The following ANO3 variants were observed in gnomAD, a reference collection of about 807,000 sequenced individuals.
ANO3 encodes anoctamin-3.
ANO3 carries 99 observed loss-of-function variants against 144.8 expected under a neutral mutation model. That is an observed-to-expected ratio of 0.68 (90% CI 0.58 to 0.81). The LOEUF is 0.81. ANO3 is among the 30% of genes least tolerant of loss of function. The pLI, the probability that ANO3 is intolerant of heterozygous loss-of-function variation, is 0.00. For missense variants in ANO3, 905 were observed against 1,202.2 expected, an observed-to-expected ratio of 0.75 and a Z score of 3.66; for synonymous variants, 414 against 392.6, an observed-to-expected ratio of 1.05 and a Z score of -0.64.
intron 6 of ANO3, among the ~76,000 whole-genome samples, chr11:26,521,910 C>T (rs1314012152): frequency 6.6e-6 from 1 of 152,130 alleles, no homozygotes; most frequent in East Asian, 1.9e-4. Context: ...AGCGGCCGGG[C>T]GCGGTGGCTC....
At chr11:26,319,893 A>AT (rs1854718139) in intron 1 of ANO3, among the ~76,000 whole-genome samples, 1 of 152,190 alleles carries the variant, frequency 6.6e-6, no homozygotes, top group African/African-American at 2.4e-5. Context: ...AATAATAACT[A>AT]TTTTAAGTAT....
chr11:26,535,691 T>A (rs984229979), intron 9 of ANO3, among the ~76,000 whole-genome samples: 5 of 141,850 alleles, frequency 3.5e-5, no homozygotes, highest in African/African-American at 1.3e-4. Context: ...CACACCATTC[T>A]CCTGCCTCAG....
chr11:26,645,316 C>T (rs1853310525), intron 23 of ANO3, among the ~76,000 whole-genome samples: 1 of 151,928 alleles, frequency 6.6e-6, no homozygotes, highest in Non-Finnish European at 1.5e-5. Flanking sequence ...TTTTATACTA[C>T]ATTCTCTATA....
chr11:26,308,840 A>G (rs1182591100), upstream of ANO3, among the ~76,000 whole-genome samples: 1 of 152,354 alleles, frequency 6.6e-6, no homozygotes, highest in East Asian at 1.9e-4. Flanking sequence ...ATGAACCAGG[A>G]TCTATCCCAG....
At chr11:26,247,137 A>C (rs1044663878) in intron 1 of ANO3, among the ~76,000 whole-genome samples, 1 of 152,144 alleles carries the variant, frequency 6.6e-6, no homozygotes, top group Admixed American at 6.5e-5. Context: ...AGAATTTTTG[A>C]CTCCATTGAA....
rs72874925 is a variant in ANO3 at position 26,274,592 on chromosome 11, G to A, written c.155-35053G>A. On this transcript the variant is annotated intron_variant, in intron 1 of 27. Transcript: ENST00000672621. ...AAAGTAAATCCTTGGTACTGACATG[G>A]TGATATTATGAACATGCTAGTTTCC... Among the ~76,000 whole-genome samples the A allele has an allele frequency of 8.6e-3, 1,303 of 152,160 alleles. 11 individuals are homozygous for A. Among genetic ancestry groups the A allele is most frequent in the South Asian group, 0.015 (74 of 4,824 alleles).
At chr11:26,465,272 T>TTAGATAGATAGATAGA (rs60663776) in intron 4 of ANO3, among the ~76,000 whole-genome samples, 375 of 146,424 alleles carry the variant, frequency 2.6e-3, no homozygotes, top group Non-Finnish European at 3.7e-3. Flanking sequence ...ATGAACCTAT[T>TTAGATAGATAGATAGA]TAGATAGATA....
At chr11:26,519,978 TA>T (rs143085570) in intron 6 of ANO3, among the ~76,000 whole-genome samples, 2 of 151,314 alleles carry the variant, frequency 1.3e-5, no homozygotes, top group African/African-American at 4.9e-5. Flanking sequence ...TTTACTAATT[TA>T]AAAAAAAATG....
At chr11:26,338,262 C>G (rs1420393953) in intron 1 of ANO3, among the ~76,000 whole-genome samples, 1 of 152,122 alleles carries the variant, frequency 6.6e-6, no homozygotes, top group African/African-American at 2.4e-5. Flanking sequence ...GTAAATGCAC[C>G]AGTCAGCACT....
chr11:26,490,229 C>A (rs117640780), intron 4 of ANO3, among the ~76,000 whole-genome samples: 1 of 152,110 alleles, frequency 6.6e-6, no homozygotes, highest in Non-Finnish European at 1.5e-5. Flanking sequence ...ACTTTTGCTT[C>A]TTCCTTGTTT....
At chr11:26,623,144 T>G (rs1852469995) in intron 17 of ANO3, among the ~76,000 whole-genome samples, 1 of 152,194 alleles carries the variant, frequency 6.6e-6, no homozygotes, top group South Asian at 2.1e-4. Context: ...AGGAAGAGAA[T>G]GAGAGTACTG....
At chr11:26,200,860 T>G (rs1851680035) in intron 1 of ANO3, among the ~76,000 whole-genome samples, 1 of 152,138 alleles carries the variant, frequency 6.6e-6, no homozygotes, top group African/African-American at 2.4e-5. Context: ...AATTATTGAA[T>G]TTGTACATGA....
chr11:26,470,706 T>A (rs1055577759), intron 4 of ANO3, among the ~76,000 whole-genome samples: 1 of 151,930 alleles, frequency 6.6e-6, no homozygotes, highest in African/African-American at 2.4e-5. Flanking sequence ...CTAGCTGGTT[T>A]TCATGGGGAA....
At position 26,469,866 on chromosome 11, in the gene ANO3, G is replaced by A. The variant is rs1207655992; in HGVS notation, c.432+6718G>A. ...ATTTTAACATATATAACGATCAGCT[G>A]TACTATTAATTACAGAAATACAAAT... On this transcript the variant is annotated intron_variant, in intron 4 of 26. Transcript: ENST00000256737. Among the ~76,000 whole-genome samples the A allele has an allele frequency of 2.7e-5, 4 of 150,066 alleles. No individual in the cohort carries two copies. The Admixed American group carries it at 2.7e-4, about 10-fold the overall frequency.
At chr11:26,490,239 T>C (rs1319137661) in intron 4 of ANO3, among the ~76,000 whole-genome samples, 1 of 152,192 alleles carries the variant, frequency 6.6e-6, no homozygotes, top group Non-Finnish European at 1.5e-5. Context: ...CTTCCTTGTT[T>C]TTCTGTTGCT....
intron 1 of ANO3, among the ~76,000 whole-genome samples, chr11:26,195,795 A>T (rs1470079470): frequency 6.6e-6 from 1 of 152,176 alleles, no homozygotes; most frequent in East Asian, 1.9e-4. Flanking sequence ...AACAACTACG[A>T]ATGTAGCTCA....
intron 7 of ANO3, among the ~76,000 whole-genome samples, chr11:26,526,749 C>T (rs188512867): frequency 3.8e-4 from 58 of 152,122 alleles, no homozygotes; most frequent in Admixed American, 3.2e-3. Context: ...ACTGAAATAG[C>T]TTTTCCTCTT....
At chr11:26,573,234 C>T (rs910321931) in intron 14 of ANO3, among the ~76,000 whole-genome samples, 1 of 151,982 alleles carries the variant, frequency 6.6e-6, no homozygotes, top group African/African-American at 2.4e-5. Flanking sequence ...GTTAATTGGC[C>T]CGAGGAAAGA....
At position 26,361,885 on chromosome 11, in the gene ANO3, CT is replaced by C. The variant is rs1855938083; in HGVS notation, c.46+29568del. Reference sequence around the variant, plus strand: ...TAGACTTCTAAAAATGCTTTTTGTTCTTTTCTCTCCTTCAGAGATTTCTGAT... The same window carrying C: ...TAGACTTCTAAAAATGCTTTTTGTTCTTTCTCTCCTTCAGAGATTTCTGAT... On this transcript the variant is annotated intron_variant, in intron 1 of 26. Transcript: ENST00000256737. Among the ~76,000 whole-genome samples the C allele has an allele frequency of 3.3e-5, 5 of 152,164 alleles. No individual in the cohort carries two copies. The Middle Eastern group carries it at 0.01, about 311-fold the overall frequency.
Sources: gnomAD v4.1 joint callset for allele counts (sites outside exome capture counted in the v4.1 genomes callset) on GRCh38, gnomAD v4.1.1 for gene constraint, MANE v1.5 for transcripts, NCBI Gene and HGNC (gene_info 2026-07-23, HGNC 2026-07-21) for gene names.